Variants in OTOG observed in about 807,000 individuals in gnomAD.
OTOG encodes the protein otogelin.
Under a neutral mutation model 313.8 loss-of-function variants are expected in OTOG, and 296 were observed. The ratio of observed to expected loss-of-function variants is 0.94; its 90% CI spans 0.86 to 1.04. OTOG has a LOEUF of 1.04. OTOG is among the 50% of genes least tolerant of loss of function. The pLI is 0.00. For missense variants in OTOG, 3,948 were observed against 3,840.1 expected (o/e 1.03, Z -0.74); for synonymous variants, 1,533 against 1,554.9 (o/e 0.99, Z 0.33).
chr11:17,584,422 T>G (rs1852745760), intron 23 of OTOG, among the ~76,000 whole-genome samples: 2 of 152,236 alleles, frequency 1.3e-5, no homozygotes, highest in Non-Finnish European at 2.9e-5. Flanking sequence ...TTCTAACATT[T>G]GCTGTAGTTT....
In OTOG at chr11:17,596,031, C is replaced by A; in HGVS notation, c.3409-7C>A. On this transcript the variant is annotated splice_polypyrimidine_tract_variant and splice_region_variant and intron_variant, in intron 28 of 55. Coordinates refer to ENST00000399397, the MANE Select transcript of OTOG (RefSeq NM_001292063.2). ...GGGAGGTCAACAGCCCTGCCTTTGC[C>A]CCTCAGTGCCCAGACACCCTCGATC... 6.5e-7 allele frequency: 1 copy of A among 1,546,570 alleles called. No homozygotes were observed. Among genetic ancestry groups the A allele is most frequent in the Non-Finnish European group, 8.7e-7 (1 of 1,143,252 alleles).
At position 17,631,803 on chromosome 11, in the gene OTOG, C is replaced by T; in HGVS notation, c.6814C>T (p.Pro2272Ser). The change falls in exon 41 of 56, where the codon CCC becomes TCC. Residue 2272 changes from proline to serine, a missense_variant. Physicochemically the swap from Pro to Ser is moderately conservative, Grantham distance 74. Coordinates refer to ENST00000399397, the MANE Select transcript of OTOG (RefSeq NM_001292063.2). ...PAPFLDSWQV[P>S]SSLTSVGQTR... ...TCCCTTTCTGGACAGCTGGCAGGTGCCCAGCTCCCTGACCTCAGTGGGCCA... is the reference window on the plus strand; with the variant it reads ...TCCCTTTCTGGACAGCTGGCAGGTGTCCAGCTCCCTGACCTCAGTGGGCCA... The T allele has an allele frequency of 6.4e-7, 1 of 1,550,604 alleles. No individual in the cohort carries two copies. Among genetic ancestry groups the T allele is most frequent in the Non-Finnish European group, 8.7e-7 (1 of 1,146,984 alleles).
Position 17,561,608 on chromosome 11 carries a change from C to T in OTOG, c.1499-54C>T, listed in dbSNP as rs539239477. On this transcript the variant is annotated intron_variant, in intron 14 of 55. Coordinates refer to ENST00000399397, the MANE Select transcript of OTOG (RefSeq NM_001292063.2). The stretch of plus-strand genomic sequence containing the variant: ...CTCCTCATACTTGGAGCTTGCAGGG[C>T]AGAGTTCCCCTGGGGCGGCTCCCAT... The T allele has an allele frequency of 3.9e-6, 6 of 1,539,406 alleles. No individual in the cohort carries two copies. In the African/African-American group the frequency reaches 4.1e-5, roughly 11 times the overall value.
At chr11:17,594,624 C>T (rs999269188) in intron 28 of OTOG, among the ~76,000 whole-genome samples, 1 of 152,160 alleles carries the variant, frequency 6.6e-6, no homozygotes, top group Non-Finnish European at 1.5e-5. Flanking sequence ...GATAAGGTCT[C>T]TGAGAGGAAG....
chr11:17,612,824 G>A, intron 38 of OTOG, 59 bp downstream of exon 38: 2 of 1,509,004 alleles, frequency 1.3e-6, no homozygotes, highest in Admixed American at 2.1e-5. Flanking sequence ...GGATAAGAGG[G>A]GAGACGGAGC....
intron 1 of OTOG, 190 bp downstream of exon 1, chr11:17,547,656 G>C: frequency 9.2e-7 from 1 of 1,091,860 alleles, no homozygotes. Context: ...CTATGACCGC[G>C]GGGGAAAGAG....
intron 38 of OTOG, among the ~76,000 whole-genome samples, chr11:17,613,327 C>CCCTTCCTTCCCTCCTTCCTTCCTTCCTT (rs1853637953): frequency 1.2e-4 from 12 of 102,452 alleles, no homozygotes; most frequent in African/African-American, 6.1e-4. Context: ...CTCTGCCCTG[C>CCCTTCCTTCCCTCCTTCCTTCCTTCCTT]CCTTCCTTCC....
chr11:17,559,040 T>C lies in OTOG; in HGVS notation c.1104-12T>C. 6.5e-7 allele frequency: 1 copy of C among 1,546,774 alleles called. No individual in the cohort carries two copies. The highest frequency in any genetic ancestry group is 8.7e-7 in the Non-Finnish European group (1 of 1,145,364). On this transcript the variant is annotated splice_polypyrimidine_tract_variant and intron_variant, in intron 10 of 55. Coordinates refer to ENST00000399397, the MANE Select transcript of OTOG (RefSeq NM_001292063.2). ...GTTTTGTTCCAGTGTGACCCTTGGT[T>C]TCTCTGCACAGATCAATGGGTGATG... is the stretch of plus-strand genomic sequence containing the variant.
intron 6 of OTOG, among the ~76,000 whole-genome samples, chr11:17,554,439 A>G (rs561094342): frequency 6.6e-6 from 1 of 152,316 alleles, no homozygotes; most frequent in Non-Finnish European, 1.5e-5. Flanking sequence ...CCTGATTTTC[A>G]TGCCTAACCT....
At chr11:17,552,615 T>TGTGTC (rs1454853324) in intron 4 of OTOG, among the ~76,000 whole-genome samples, 29 of 150,874 alleles carry the variant, frequency 1.9e-4, no homozygotes, top group South Asian at 4.2e-4. Context: ...CCACCTGTCC[T>TGTGTC]CTCACATCAT....
At position 17,640,728 on chromosome 11, in the gene OTOG, G is replaced by C. The variant is rs1357073408; in HGVS notation, c.7936-17G>C. 6.5e-7 allele frequency: 1 copy of C among 1,548,992 alleles called. No homozygotes were observed. The highest frequency in any genetic ancestry group is 2.0e-5 in the Admixed American group (1 of 50,986). Reference sequence around the variant, plus strand: ...TGGCCCCCAACCCAGGGTGCTGACTGCCTCTGCCCCACCCAGTGGGAGAAA... The same window carrying C: ...TGGCCCCCAACCCAGGGTGCTGACTCCCTCTGCCCCACCCAGTGGGAGAAA... On this transcript the variant is annotated splice_polypyrimidine_tract_variant and intron_variant, in intron 49 of 55. Transcript: ENST00000399397.
chr11:17,643,384 C>A, intron 53 of OTOG, 77 bp from the exon 54 acceptor site: 1 of 1,027,854 alleles, frequency 9.7e-7, no homozygotes, highest in Non-Finnish European at 1.3e-6. Context: ...TGTACTCTGC[C>A]TGTTTCTGGG....
chr11:17,586,474 T>A lies in OTOG; in HGVS notation c.2760T>A (p.Gly920=). The A allele has an allele frequency of 2.8e-6, 4 of 1,404,712 alleles. No homozygotes were observed. Among genetic ancestry groups the A allele is most frequent in the Non-Finnish European group, 2.8e-6 (3 of 1,073,494 alleles). 87.0% of individuals were successfully genotyped at this position (1,404,712 alleles called of 1,614,324 possible). A position where few individuals can be genotyped will look rare whatever the true frequency, so the allele number is the denominator to read the frequency against. The part of the protein sequence containing the change: ...PCLSGCACPQ[G]LLRHGDACFL... ...CCGCCTGCTTGCTGTGTCTCTACAG[T>A]CTGCTCAGACACGGGGATGCATGTT... is the stretch of plus-strand genomic sequence containing the variant. The change falls in exon 24 of 56, where the codon GGT becomes GGA. Residue 920 remains glycine, a splice_region_variant and synonymous_variant. Transcript: ENST00000399397.
intron 9 of OTOG, 102 bp from the exon 10 acceptor site, chr11:17,558,435 TC>T: frequency 1.3e-6 from 2 of 1,518,110 alleles, no homozygotes. Flanking sequence ...CCCTCTCTTC[TC>T]TGCCTTCCTC....
chr11:17,645,857 C>T lies in OTOG; in HGVS notation c.8655C>T (p.Arg2885=). The T allele has an allele frequency of 6.4e-7, 1 of 1,550,876 alleles. No homozygotes were observed. Among genetic ancestry groups the T allele is most frequent in the Non-Finnish European group, 8.7e-7 (1 of 1,147,054 alleles). ...KCCREVGLQR[R]SVQLFCATNA... ...GCCGTGAGGTGGGCCTGCAGCGGCG[C>T]TCTGTGCAGCTCTTCTGTGCCACCA... Residue 2885 remains arginine (R), a synonymous_variant, in exon 56 of 56, where the codon CGC becomes CGT. Coordinates refer to ENST00000399397, the MANE Select transcript of OTOG (RefSeq NM_001292063.2).
intron 49 of OTOG, 60 bp downstream of exon 49, chr11:17,639,523 T>C (rs1382260595): frequency 2.0e-6 from 3 of 1,494,668 alleles, no homozygotes; most frequent in Non-Finnish European, 2.7e-6. Context: ...TTCCTCTCTA[T>C]CCCCTCCTCT....
At chr11:17,574,588 C>T in intron 19 of OTOG, 132 bp from the exon 20 acceptor site, 2 of 910,052 alleles carry the variant, frequency 2.2e-6, no homozygotes, top group Non-Finnish European at 3.2e-6. Context: ...CTGACCTTGA[C>T]CTGCTGTGTG....
chr11:17,645,721 C>A (rs1375838116), intron 55 of OTOG, 23 bp from the exon 56 acceptor site: 3 of 1,550,816 alleles, frequency 1.9e-6, no homozygotes, highest in Admixed American at 2.0e-5. Context: ...CCACAGACTG[C>A]CTCACTGGCC....
At chr11:17,561,954 C>T in intron 15 of OTOG, 147 bp downstream of exon 15, 2 of 1,002,996 alleles carry the variant, frequency 2.0e-6, no homozygotes, top group Non-Finnish European at 2.9e-6. Flanking sequence ...TGGACTCCAG[C>T]CCAAGCACCT....
Sources: gnomAD v4.1 joint callset for allele counts (sites outside exome capture counted in the v4.1 genomes callset) on GRCh38, gnomAD v4.1.1 for gene constraint, MANE v1.5 for transcripts, NCBI Gene and HGNC (gene_info 2026-07-23, HGNC 2026-07-21) for gene names.